DIAPH3: variants seen among roughly 807,000 people sequenced by gnomAD.
The protein encoded by DIAPH3 is diaphanous related formin 3.
Under a neutral mutation model 144.3 loss-of-function variants are expected in DIAPH3, and 117 were observed. The ratio of observed to expected loss-of-function variants is 0.81; its 90% CI spans 0.70 to 0.95. The LOEUF (loss-of-function observed/expected upper bound fraction) is 0.95. DIAPH3 is among the 40% of genes least tolerant of loss of function. The probability of loss-of-function intolerance (pLI) is 0.00; values close to 1 mark genes in which losing one functional copy is unlikely to be tolerated. For synonymous variants in DIAPH3, 519 were observed against 488.9 expected (o/e 1.06, Z -0.81); for missense variants, 1,421 against 1,412.7 (o/e 1.01, Z -0.09).
intron 5 of DIAPH3, among the ~76,000 whole-genome samples, chr13:60,019,815 G>T (rs78703614): frequency 6.6e-6 from 1 of 152,066 alleles, no homozygotes; most frequent in Non-Finnish European, 1.5e-5. Context: ...ACCTCATTGA[G>T]CAATAGAGGC....
At chr13:60,127,543 G>T (rs911005880) in intron 2 of DIAPH3, among the ~76,000 whole-genome samples, 1 of 151,964 alleles carries the variant, frequency 6.6e-6, no homozygotes, top group Non-Finnish European at 1.5e-5. Context: ...AATGCTCATA[G>T]CAACTGTACT....
chr13:59,746,866 C>T (rs1347378901), intron 27 of DIAPH3, among the ~76,000 whole-genome samples: 1 of 152,134 alleles, frequency 6.6e-6, no homozygotes, highest in Non-Finnish European at 1.5e-5. Flanking sequence ...TAGTTTCTGG[C>T]TTGACTCATC....
At chr13:59,992,748 TTTCAGTGGCG>T (rs1566626782) in intron 9 of DIAPH3, among the ~76,000 whole-genome samples, 165 bp from the exon 10 acceptor site, 1 of 151,646 alleles carries the variant, frequency 6.6e-6, no homozygotes, top group Non-Finnish European at 1.5e-5. Context: ...AGAAATAAAG[TTTCAGTGGCG>T]TTTTTTATTT....
intron 15 of DIAPH3, 97 bp downstream of exon 15, chr13:59,974,255 T>A (rs895921648): frequency 2.1e-6 from 2 of 947,828 alleles, no homozygotes; most frequent in South Asian, 2.8e-5. Context: ...ACAAGCAAAA[T>A]TAAAGTTTAA....
intron 20 of DIAPH3, among the ~76,000 whole-genome samples, chr13:59,898,199 A>C (rs1241627115): frequency 6.6e-6 from 1 of 152,006 alleles, no homozygotes; most frequent in Admixed American, 6.5e-5. Context: ...AACAGCAGCT[A>C]ACATAATTGG....
chr13:59,925,216 A>G (rs1007522211), intron 17 of DIAPH3, among the ~76,000 whole-genome samples: 1 of 152,194 alleles, frequency 6.6e-6, no homozygotes, highest in Non-Finnish European at 1.5e-5. Context: ...AAATTAAAAC[A>G]CCTGCACTCA....
chr13:59,670,652 G>A (rs1274973386), intron 27 of DIAPH3, among the ~76,000 whole-genome samples: 3 of 149,476 alleles, frequency 2.0e-5, no homozygotes, highest in African/African-American at 4.9e-5. Context: ...GCGGGATCTC[G>A]GCTCACTGCA....
At chr13:59,976,478 A>G (rs2050686595) in intron 14 of DIAPH3, among the ~76,000 whole-genome samples, 1 of 152,002 alleles carries the variant, frequency 6.6e-6, no homozygotes, top group South Asian at 2.1e-4. Context: ...ATGCAGAACA[A>G]TATAGATTAT....
intron 27 of DIAPH3, among the ~76,000 whole-genome samples, chr13:59,688,372 A>G (rs1593582333): frequency 6.6e-6 from 1 of 152,126 alleles, no homozygotes; most frequent in East Asian, 1.9e-4. Context: ...GTGCACCTGA[A>G]TAATCAAAAC....
rs1031319194 is a variant in DIAPH3, at chr13:59,985,529, A to G, written c.1362-1642T>C. Among the ~76,000 whole-genome samples the G allele has an allele frequency of 8.2e-4, 57 of 69,170 alleles. 10 individuals carry two copies. The highest frequency in any genetic ancestry group is 1.5e-3 in the African/African-American group (24 of 15,582). The allele number at this position is 69,170 out of a possible 152,430, so 45.4% of individuals were successfully genotyped here. On this transcript the variant is annotated intron_variant, in intron 12 of 27. Transcript: ENST00000400324. The stretch of plus-strand genomic sequence containing the variant: ...ATTCAATTAGGAAAAGAGGAAGTCA[A>G]ATTGTCCCTGTGTGCAGACGACATG...
intron 9 of DIAPH3, among the ~76,000 whole-genome samples, chr13:60,000,254 C>T (rs1054169813): frequency 3.3e-5 from 5 of 152,032 alleles, no homozygotes; most frequent in African/African-American, 1.2e-4. Flanking sequence ...ACATACCAAC[C>T]ATCAATCACC....
chr13:59,947,848 A>T (rs554095145), intron 17 of DIAPH3, among the ~76,000 whole-genome samples: 2 of 152,298 alleles, frequency 1.3e-5, no homozygotes, highest in African/African-American at 4.8e-5. Flanking sequence ...TCACTGAAGA[A>T]ATCTGGAATA....
intron 4 of DIAPH3, among the ~76,000 whole-genome samples, chr13:60,070,108 C>T (rs1458076334): frequency 1.3e-5 from 2 of 151,918 alleles, no homozygotes; most frequent in Non-Finnish European, 2.9e-5. Context: ...TTCCTATTCA[C>T]GAGCATGGGA....
At chr13:60,131,692 C>T (rs760438528) in intron 2 of DIAPH3, among the ~76,000 whole-genome samples, 6 of 152,164 alleles carry the variant, frequency 3.9e-5, no homozygotes, top group South Asian at 4.2e-4. Flanking sequence ...TTAAGGTTGA[C>T]GAAAATGTTC....
At chr13:60,069,618 AT>A (rs2057119328) in intron 4 of DIAPH3, among the ~76,000 whole-genome samples, 1 of 152,112 alleles carries the variant, frequency 6.6e-6, no homozygotes, top group African/African-American at 2.4e-5. Flanking sequence ...TAGGTTTTAC[AT>A]TTAAGTCTTT....
chr13:59,825,013 A>G (rs1052574591), intron 24 of DIAPH3, among the ~76,000 whole-genome samples: 6 of 140,224 alleles, frequency 4.3e-5, no homozygotes, highest in African/African-American at 1.6e-4. Flanking sequence ...ATGTCTAACT[A>G]AAACAGAAAA....
At chr13:60,113,269 T>G (rs2058617940) in intron 2 of DIAPH3, among the ~76,000 whole-genome samples, 1 of 152,176 alleles carries the variant, frequency 6.6e-6, no homozygotes, top group African/African-American at 2.4e-5. Flanking sequence ...TATAGAACAT[T>G]TCCATCATTG....
intron 27 of DIAPH3, among the ~76,000 whole-genome samples, chr13:59,672,251 A>T (rs1253551205): frequency 1.3e-5 from 2 of 152,164 alleles, no homozygotes; most frequent in Non-Finnish European, 2.9e-5. Flanking sequence ...GTTAGTATTG[A>T]TCCCCCCTCA....
intron 3 of DIAPH3, among the ~76,000 whole-genome samples, chr13:60,109,322 A>G (rs573080236): frequency 6.6e-6 from 1 of 152,314 alleles, no homozygotes; most frequent in African/African-American, 2.4e-5. Flanking sequence ...TTAAATCACA[A>G]AGTCCGTGGT....
Sources: allele counts gnomAD v4.1 joint callset (sites outside exome capture counted in the v4.1 genomes callset), GRCh38; gene constraint gnomAD v4.1.1; transcripts MANE v1.5; gene names NCBI Gene and HGNC (gene_info 2026-07-23, HGNC 2026-07-21).